Variants in NAGLU observed in about 807,000 individuals in gnomAD.
NAGLU encodes the protein N-acetyl-alpha-glucosaminidase.
NAGLU carries 34 observed loss-of-function variants against 43.4 expected under a neutral mutation model. The ratio of observed to expected loss-of-function variants is 0.78; its 90% CI spans 0.60 to 1.04. NAGLU has a LOEUF of 1.04. Ranked by LOEUF, NAGLU falls within the 50% of genes least tolerant of loss-of-function variation. NAGLU has a pLI of 0.00. For missense variants in NAGLU, 910 were observed against 993.7 expected, an observed-to-expected ratio of 0.92 and a Z score of 1.13; for synonymous variants, 425 against 437.6, an observed-to-expected ratio of 0.97 and a Z score of 0.36.
Position 42,544,247 on chromosome 17 carries a change from C to A in NAGLU, c.*9C>A, listed in dbSNP as rs2092931231. 2 of 1,607,022 alleles carry A rather than the reference C, an allele frequency of 1.2e-6. No homozygotes were observed. Among genetic ancestry groups the A allele is most frequent in the Non-Finnish European group, 1.7e-6 (2 of 1,179,990 alleles). On this transcript the variant is annotated 3_prime_UTR_variant, in exon 6 of 6. Transcript: ENST00000225927. ...TGGCCGGCTCTTGGTGATAGATTCG[C>A]CACCACTGGGCCTTGTTTTCCGCTA...
In NAGLU at chr17:42,543,578, G is replaced by A; in HGVS notation, c.1572G>A (p.Gln524=). The A allele has an allele frequency of 6.2e-7, 1 of 1,612,862 alleles. No homozygotes were observed. Among genetic ancestry groups the A allele is most frequent in the South Asian group, 1.1e-5 (1 of 91,062 alleles). The part of the protein sequence containing the change: ...RSPLVRRPSL[Q]MNTSIWYNRS... The stretch of plus-strand genomic sequence containing the variant: ...CGCTGGTCAGGCGGCCGTCCCTACA[G>A]ATGAATACCAGCATCTGGTACAACC... Residue 524 remains glutamine, a synonymous_variant, in exon 6 of 6, where the codon CAG becomes CAA. Transcript: ENST00000225927.
Position 42,544,288 on chromosome 17 carries a change from C to A in NAGLU, c.*50C>A, listed in dbSNP as rs764082137. 1 of 1,600,388 alleles carries A rather than the reference C, an allele frequency of 6.2e-7. No individual in the cohort carries two copies. The highest frequency in any genetic ancestry group is 2.2e-5 in the East Asian group (1 of 44,870). On this transcript the variant is annotated 3_prime_UTR_variant, in exon 6 of 6. Transcript: ENST00000225927. ...TTTTCCGCTAATTCCAGGGCAGATT[C>A]CAGGGCCCAGAGCTGGACAGACATC...
chr17:42,536,773 C>T, intron 1 of NAGLU, 118 bp downstream of exon 1: 2 of 1,338,610 alleles, frequency 1.5e-6, no homozygotes, highest in East Asian at 3.1e-5. Flanking sequence ...GCTGCGCCGC[C>T]TCCAGCAGCT....
At chr17:42,537,967 G>A (rs2092911593) in intron 2 of NAGLU, among the ~76,000 whole-genome samples, 1 of 151,988 alleles carries the variant, frequency 6.6e-6, no homozygotes, top group South Asian at 2.1e-4. Flanking sequence ...CAACTCATGG[G>A]CAGCTCTAGA....
chr17:42,541,233 G>GC (rs1360697674), intron 5 of NAGLU, 27 bp downstream of exon 5: 2 of 1,609,672 alleles, frequency 1.2e-6, no homozygotes, highest in Non-Finnish European at 8.5e-7. Context: ...GGGTGGGAGA[G>GC]CCCCCCAGAC....
At chr17:42,537,794 T>G (rs531061525) in intron 2 of NAGLU, among the ~76,000 whole-genome samples, 1 of 150,764 alleles carries the variant, frequency 6.6e-6, no homozygotes, top group Non-Finnish European at 1.5e-5. Flanking sequence ...TGGCCAACAT[T>G]GTGAAACCCC....
chr17:42,537,039 A>C (rs1339930631), intron 1 of NAGLU: 1 of 455,122 alleles, frequency 2.2e-6, no homozygotes, highest in Non-Finnish European at 4.1e-6. Context: ...CACACTATGG[A>C]GTGATGTGTT....
chr17:42,543,203 C>T lies in NAGLU; in HGVS notation c.1197C>T (p.Gly399=). Residue 399 remains glycine (G), a synonymous_variant, in exon 6 of 6, where the codon GGC becomes GGT. Transcript: ENST00000225927. ...ATACCCGCACTGCCTCCTTCCAGGG[C>T]CAGCCCTTCATCTGGTGCATGCTGC... ...PVYTRTASFQ[G]QPFIWCMLHN... is the part of the protein sequence containing the mutation. 6.2e-7 allele frequency: 1 copy of T among 1,614,234 alleles called. No individual in the cohort carries two copies. The highest frequency in any genetic ancestry group is 8.5e-7 in the Non-Finnish European group (1 of 1,180,050).
chr17:42,544,324 C>T lies in NAGLU; in HGVS notation c.*86C>T, dbSNP rs2092931439. 6.3e-7 allele frequency: 1 copy of T among 1,588,278 alleles called. No individual in the cohort carries two copies. The highest frequency in any genetic ancestry group is 1.3e-5 in the African/African-American group (1 of 74,892). ...AGCTGGACAGACATCACAGGATAAC[C>T]CAGGCCTGGGAGGAGGCCCCACGGC... On this transcript the variant is annotated 3_prime_UTR_variant, in exon 6 of 6. Coordinates refer to ENST00000225927, the MANE Select transcript of NAGLU (RefSeq NM_000263.4).
intron 3 of NAGLU, 55 bp downstream of exon 3, chr17:42,538,540 A>C: frequency 6.2e-7 from 1 of 1,613,308 alleles, no homozygotes; most frequent in Non-Finnish European, 8.5e-7. Context: ...TCATGGGCCC[A>C]GGAAGGGTGG....
chr17:42,541,582 C>T (rs1299322041), intron 5 of NAGLU, among the ~76,000 whole-genome samples: 1 of 152,238 alleles, frequency 6.6e-6, no homozygotes, highest in East Asian at 1.9e-4. Flanking sequence ...TTTGTTTCAT[C>T]TCTGCGTGGT....
rs1160300817 is a variant in NAGLU, at chr17:42,541,008, T to C, written c.823T>C (p.Tyr275His). 6.2e-7 allele frequency: 1 copy of C among 1,614,224 alleles called. No individual in the cohort carries two copies. The highest frequency in any genetic ancestry group is 1.7e-5 in the Admixed American group (1 of 60,024). Residue 275 changes from tyrosine to histidine, a missense_variant, in exon 5 of 6, where the codon TAC becomes CAC. Tyr to His is a moderately conservative substitution (Grantham distance 83, BLOSUM62 2). Transcript: ENST00000225927. The stretch of plus-strand genomic sequence containing the variant: ...CAGTTGGGGCCACTTTAACTGTTCC[T>C]ACTCCTGCTCCTTCCTTCTGGCTCC... ...MGSWGHFNCS[Y>H]SCSFLLAPED... is the part of the protein sequence containing the mutation.
chr17:42,539,863 T>C (rs1163349455), intron 4 of NAGLU, among the ~76,000 whole-genome samples: 3 of 152,144 alleles, frequency 2.0e-5, no homozygotes, highest in African/African-American at 7.2e-5. Context: ...CTTGTAATCC[T>C]AGCGTTTTGG....
chr17:42,544,417 TG>T lies in NAGLU; in HGVS notation c.*182del. Reference sequence around the variant, plus strand: ...CTGCCCTCCACCACCACCCAAAGTGTGGGATTAAAGTACTGTTTTCTTTCCA... The same window carrying T: ...CTGCCCTCCACCACCACCCAAAGTGTGGATTAAAGTACTGTTTTCTTTCCA... On this transcript the variant is annotated 3_prime_UTR_variant, in exon 6 of 6. Transcript: ENST00000225927. 1 of 905,736 alleles carries T rather than the reference TG, an allele frequency of 1.1e-6. No homozygotes were observed. The highest frequency in any genetic ancestry group is 1.6e-5 in the South Asian group (1 of 64,088). The allele number at this position is 905,736 out of a possible 1,614,324, so 56.1% of individuals were successfully genotyped here.
In NAGLU at chr17:42,543,878, G is replaced by A. The variant is rs1474808763; in HGVS notation, c.1872G>A (p.Gln624=). 1 of 1,604,594 alleles carries A rather than the reference G, an allele frequency of 6.2e-7. No homozygotes were observed. The highest frequency in any genetic ancestry group is 2.3e-5 in the East Asian group (1 of 44,440). The change falls in exon 6 of 6, where the codon CAG becomes CAA. Residue 624 remains glutamine (Q), a synonymous_variant. Coordinates refer to ENST00000225927, the MANE Select transcript of NAGLU (RefSeq NM_000263.4). ...SRFLLGSWLE[Q]ARAAAVSEAE... ...TCTTGCTGGGCAGCTGGCTAGAGCAGGCCCGAGCAGCGGCAGTCAGTGAGG... is the reference window on the plus strand; with the variant it reads ...TCTTGCTGGGCAGCTGGCTAGAGCAAGCCCGAGCAGCGGCAGTCAGTGAGG...
In NAGLU at chr17:42,541,207, G is replaced by T. The variant is rs1447465424; in HGVS notation, c.1021+1G>T. The T allele has an allele frequency of 6.2e-7, 1 of 1,612,318 alleles. No individual in the cohort carries two copies. Among genetic ancestry groups the T allele is most frequent in the African/African-American group, 1.3e-5 (1 of 74,910 alleles). ...GCCGTCTATGAGGCCATGACTGCAG[G>T]TACAGTGCCTGGGTGGGGTGGGAGA... is the stretch of plus-strand genomic sequence containing the variant. On this transcript the variant is annotated splice_donor_variant, in intron 5 of 5. Transcript: ENST00000225927. LOFTEE classifies it high-confidence loss of function.
chr17:42,537,692 T>C, intron 2 of NAGLU, 147 bp downstream of exon 2: 1 of 1,214,006 alleles, frequency 8.2e-7, no homozygotes, highest in East Asian at 2.6e-5. Context: ...AAACTGAGGC[T>C]TCCGGCCGGG....
At position 42,536,368 on chromosome 17, in the gene NAGLU, G is replaced by T; in HGVS notation, c.96G>T (p.Val32=). The change falls in exon 1 of 6, where the codon GTG becomes GTT. Residue 32 remains valine, a synonymous_variant. Coordinates refer to ENST00000225927, the MANE Select transcript of NAGLU (RefSeq NM_000263.4). ...AGDEAREAAA[V]RALVARLLGP... is the part of the protein sequence containing the mutation. ...ACGAGGCCCGGGAGGCGGCGGCCGT[G>T]CGGGCGCTCGTGGCCCGGCTGCTGG... 1 of 1,191,416 alleles carries T rather than the reference G, an allele frequency of 8.4e-7. No individual in the cohort carries two copies. Among genetic ancestry groups the T allele is most frequent in the Non-Finnish European group, 1.0e-6 (1 of 962,734 alleles). 73.8% of individuals were successfully genotyped at this position (1,191,416 alleles called of 1,614,324 possible).
At position 42,543,795 on chromosome 17, in the gene NAGLU, G is replaced by A. The variant is rs759978970; in HGVS notation, c.1789G>A (p.Val597Ile). Residue 597 changes from valine (V) to isoleucine (I), a missense_variant, in exon 6 of 6, where the codon GTC becomes ATC. Transcript: ENST00000225927. ...GGCCTCCCTGTTGAGGGCTGGAGGC[G>A]TCCTGGCCTATGAGCTGCTGCCGGC... ...ELASLLRAGG[V>I]LAYELLPALD... 43 of 1,608,482 alleles carry A rather than the reference G, an allele frequency of 2.7e-5. No individual in the cohort carries two copies. Among genetic ancestry groups the A allele is most frequent in the Admixed American group, 8.4e-5 (5 of 59,328 alleles).
Sources: gnomAD v4.1 joint callset for allele counts (sites outside exome capture counted in the v4.1 genomes callset) on GRCh38, gnomAD v4.1.1 for gene constraint, MANE v1.5 for transcripts, NCBI Gene and HGNC (gene_info 2026-07-23, HGNC 2026-07-21) for gene names.